The following RTN4 variants were observed in gnomAD, a reference collection of about 807,000 sequenced individuals.
RTN4 encodes reticulon 4, also known as reticulon-4.
Under a neutral mutation model 90.4 loss-of-function variants are expected in RTN4, and 32 were observed. That is an observed-to-expected ratio of 0.35 (90% CI 0.27 to 0.48). The LOEUF (loss-of-function observed/expected upper bound fraction) is 0.48. RTN4 is among the 20% of genes least tolerant of loss of function. The pLI, the probability that RTN4 is intolerant of heterozygous loss-of-function variation, is 0.99. For synonymous variants in RTN4, 629 were observed against 552.5 expected, an observed-to-expected ratio of 1.14 and a Z score of -1.94; for missense variants, 1,706 against 1,430.2, an observed-to-expected ratio of 1.19 and a Z score of -3.11.
intron 5 of RTN4, among the ~76,000 whole-genome samples, chr2:54,978,457 C>A: frequency 1.4e-5 from 2 of 141,808 alleles, no homozygotes; most frequent in African/African-American, 5.2e-5. Context: ...AAAAAAAGAG[C>A]TAGTGATAAT....
intron 6 of RTN4, 116 bp downstream of exon 6, chr2:54,974,579 C>A: frequency 1.1e-6 from 1 of 903,566 alleles, no homozygotes; most frequent in Non-Finnish European, 1.8e-6. Context: ...CCGCGCCCGG[C>A]CCACATTTTC....
chr2:55,091,107 G>A (rs1292758866), intron 1 of RTN4, among the ~76,000 whole-genome samples: 1 of 152,174 alleles, frequency 6.6e-6, no homozygotes, highest in Non-Finnish European at 1.5e-5. Flanking sequence ...CTTTCCTCTG[G>A]CCACCAGTGG....
rs1168508610 is a variant in RTN4 at position 55,110,075 on chromosome 2, G to A, written c.-214+2445C>T. On this transcript the variant is annotated intron_variant, in intron 1 of 3. Transcript: ENST00000427710. ...TATAATCCCAGCATTGTGGGAAGTC[G>A]AGACTGGTGGATAGCTTGAGCCCAG... 4.6e-5 allele frequency among the ~76,000 whole-genome samples: 7 copies of A among 152,094 alleles called. 1 individual carries two copies. Among genetic ancestry groups the A allele is most frequent in the South Asian group, 2.1e-4 (1 of 4,820 alleles).
At chr2:55,017,629 T>C (rs1432194204) in intron 3 of RTN4, among the ~76,000 whole-genome samples, 1 of 152,156 alleles carries the variant, frequency 6.6e-6, no homozygotes, top group African/African-American at 2.4e-5. Context: ...TAAGTTATCA[T>C]TAAGTCAAGA....
chr2:55,014,260 T>C (rs1223009097), intron 3 of RTN4, among the ~76,000 whole-genome samples: 1 of 152,128 alleles, frequency 6.6e-6, no homozygotes, highest in African/African-American at 2.4e-5. Context: ...TTTTAAAGTC[T>C]ATAAAAAATT....
chr2:54,972,248 A>C lies in RTN4; in HGVS notation c.*908T>G, dbSNP rs199734477. On this transcript the variant is annotated 3_prime_UTR_variant, in exon 9 of 9. Coordinates refer to ENST00000337526, the MANE Select transcript of RTN4 (RefSeq NM_020532.5). ...TTACAGTTCACAATGCATTCCACAG[A>C]TTTAGTTCAGTACAGCTTAAACCAC... 6.5e-6 allele frequency: 1 copy of C among 152,704 alleles called. No individual in the cohort carries two copies. Among genetic ancestry groups the C allele is most frequent in the Non-Finnish European group, 1.5e-5 (1 of 68,050 alleles). The allele number at this position is 152,704 out of a possible 1,614,324, so 9.5% of individuals were successfully genotyped here.
At chr2:55,097,397 C>G (rs1667764034) in intron 1 of RTN4, among the ~76,000 whole-genome samples, 1 of 151,822 alleles carries the variant, frequency 6.6e-6, no homozygotes, top group Non-Finnish European at 1.5e-5. Flanking sequence ...CATTTGTAAT[C>G]AAACCCCAGG....
intron 3 of RTN4, among the ~76,000 whole-genome samples, chr2:54,999,432 G>C (rs964345768): frequency 1.3e-5 from 2 of 152,136 alleles, no homozygotes; most frequent in Admixed American, 1.3e-4. Context: ...ACAGCCCGAA[G>C]TCAGGTTTCA....
chr2:55,049,915 G>A lies in RTN4; in HGVS notation c.386C>T (p.Ser129Leu). Reference protein sequence around the residue: ...APSPLSAAAVSPSKLPEDDEP... With the variant: ...APSPLSAAAVLPSKLPEDDEP... ...GTCGTCCTCAGGGAGCTTGGAGGGCGAGACTGCGGCAGCAGACAGCGGGGA... is the reference window on the plus strand; with the variant it reads ...GTCGTCCTCAGGGAGCTTGGAGGGCAAGACTGCGGCAGCAGACAGCGGGGA... Residue 129 changes from serine (S) to leucine (L), a missense_variant, in exon 1 of 9, where the codon TCG (serine) becomes TTG (leucine). Ser to Leu is a moderately radical substitution (Grantham distance 145). Coordinates refer to ENST00000337526, the MANE Select transcript of RTN4 (RefSeq NM_020532.5). 7.5e-7 allele frequency: 1 copy of A among 1,334,762 alleles called. No individual in the cohort carries two copies. The highest frequency in any genetic ancestry group is 9.5e-7 in the Non-Finnish European group (1 of 1,048,382). 82.7% of individuals were successfully genotyped at this position (1,334,762 alleles called of 1,614,324 possible). A position where few individuals can be genotyped will look rare whatever the true frequency, so the allele number is the denominator to read the frequency against.
chr2:55,067,504 C>T (rs1468545555), intron 2 of RTN4, among the ~76,000 whole-genome samples: 1 of 151,994 alleles, frequency 6.6e-6, no homozygotes, highest in Non-Finnish European at 1.5e-5. Context: ...CCTCCACCTC[C>T]CGGGTTCAAG....
In RTN4 at chr2:55,025,166, T is replaced by C. The variant is rs972539939; in HGVS notation, c.2933A>G (p.Glu978Gly). Residue 978 changes from glutamate to glycine, a missense_variant, in exon 3 of 9, where the codon GAG becomes GGG. Coordinates refer to ENST00000337526, the MANE Select transcript of RTN4 (RefSeq NM_020532.5). Reference sequence around the variant, plus strand: ...TTCTGTATCGGAAGGAAGTTTTTTCTCAGCTTCTTTCACAAGAACTTTGGG... The same window carrying C: ...TTCTGTATCGGAAGGAAGTTTTTTCCCAGCTTCTTTCACAAGAACTTTGGG... The part of the protein sequence containing the change: ...VKPKVLVKEA[E>G]KKLPSDTEKE... The C allele has an allele frequency of 5.0e-6, 8 of 1,613,680 alleles. No homozygotes were observed. Among genetic ancestry groups the C allele is most frequent in the African/African-American group, 2.7e-5 (2 of 74,912 alleles).
At chr2:54,985,979 T>G (rs961492200) in intron 4 of RTN4, among the ~76,000 whole-genome samples, 2 of 152,224 alleles carry the variant, frequency 1.3e-5, no homozygotes, top group African/African-American at 4.8e-5. Flanking sequence ...GTTAATGCAG[T>G]AGGAACTGAA....
At chr2:55,038,664 T>C (rs904446244) in intron 1 of RTN4, among the ~76,000 whole-genome samples, 6 of 152,212 alleles carry the variant, frequency 3.9e-5, no homozygotes, top group Admixed American at 3.3e-4. Flanking sequence ...TTCTCACACA[T>C]TGCTGGTGGA....
At chr2:55,049,646 C>T (rs1265251959) in intron 1 of RTN4, 99 bp downstream of exon 1, 3 of 1,525,844 alleles carry the variant, frequency 2.0e-6, no homozygotes, top group Admixed American at 4.0e-5. Context: ...AAAGCGCCCT[C>T]GGGGCGGAGA....
intron 5 of RTN4, among the ~76,000 whole-genome samples, chr2:54,975,607 C>G (rs965999566): frequency 6.6e-6 from 1 of 152,154 alleles, no homozygotes; most frequent in Non-Finnish European, 1.5e-5. Flanking sequence ...TGTACACCAC[C>G]CACTCTTAGC....
At chr2:54,982,120 C>A (rs1197815902) in intron 5 of RTN4, among the ~76,000 whole-genome samples, 1 of 150,070 alleles carries the variant, frequency 6.7e-6, no homozygotes, top group African/African-American at 2.5e-5. Context: ...CCACGCCTGG[C>A]TAATTTTGTA....
chr2:54,982,628 T>C lies in RTN4; in HGVS notation c.3247A>G (p.Ile1083Val), dbSNP rs200090073. The stretch of plus-strand genomic sequence containing the variant: ...TACTTCTGAACCAACTCCTCAGATA[T>C]AGCAACTTCAGATTCCAGATATGCC... ...FRAYLESEVA[I>V]SEELVQKYSN... Residue 1083 changes from isoleucine to valine, a missense_variant, in exon 5 of 9, where the codon ATA becomes GTA. Transcript: ENST00000337526. The C allele has an allele frequency of 8.7e-6, 14 of 1,610,200 alleles. No homozygotes were observed. The East Asian group carries it at 1.3e-4, about 15-fold the overall frequency.
intron 5 of RTN4, 60 bp downstream of exon 5, chr2:54,982,455 C>G: frequency 7.0e-7 from 1 of 1,436,672 alleles, no homozygotes; most frequent in Non-Finnish European, 9.5e-7. Context: ...GAATTTTACA[C>G]TCAACTCTCT....
chr2:55,131,741 G>A, the RTN4 span, among the ~76,000 whole-genome samples: 4 of 152,038 alleles, frequency 2.6e-5, no homozygotes, highest in South Asian at 6.2e-4. Context: ...AAAATTAGCC[G>A]GGCGTGGTGG....
Sources: allele counts gnomAD v4.1 joint callset (sites outside exome capture counted in the v4.1 genomes callset), GRCh38; gene constraint gnomAD v4.1.1; transcripts MANE v1.5; gene names NCBI Gene and HGNC (gene_info 2026-07-23, HGNC 2026-07-21).